Variants in TRDN observed in about 807,000 individuals in gnomAD.
TRDN encodes the protein triadin in skeletal muscle.
TRDN carries 161 observed loss-of-function variants against 149.7 expected under a neutral mutation model. That is an observed-to-expected ratio of 1.08 (90% confidence interval 0.95 to 1.23). The LOEUF is 1.23. Ranked by LOEUF, TRDN falls within the 50% of genes most tolerant of loss-of-function variation. TRDN has a pLI of 0.00. For missense variants in TRDN, 896 were observed against 823.5 expected (o/e 1.09, Z -1.08); for synonymous variants, 294 against 250.5 (o/e 1.17, Z -1.64).
chr6:123,269,424 T>C (rs1467739877), intron 31 of TRDN, among the ~76,000 whole-genome samples: 1 of 152,002 alleles, frequency 6.6e-6, no homozygotes, highest in Non-Finnish European at 1.5e-5. Context: ...ACACTGACAA[T>C]TGTATATCAT....
intron 24 of TRDN, among the ~76,000 whole-genome samples, chr6:123,310,453 T>A (rs1171983186): frequency 6.6e-6 from 1 of 152,068 alleles, no homozygotes; most frequent in South Asian, 2.1e-4. Flanking sequence ...CTTGTACTTA[T>A]TGCAAAATAC....
intron 24 of TRDN, among the ~76,000 whole-genome samples, chr6:123,299,389 T>A (rs962930298): frequency 1.3e-5 from 2 of 152,084 alleles, no homozygotes; most frequent in African/African-American, 4.8e-5. Context: ...TATCAGCACC[T>A]GGGCTTGAGA....
At chr6:123,610,990 C>T (rs1784779252) in intron 1 of TRDN, among the ~76,000 whole-genome samples, 1 of 152,126 alleles carries the variant, frequency 6.6e-6, no homozygotes, top group African/African-American at 2.4e-5. Context: ...AAGACTGCTA[C>T]TTTAAGCTGC....
intron 1 of TRDN, among the ~76,000 whole-genome samples, chr6:123,611,596 T>C (rs539105831): frequency 2.6e-5 from 4 of 152,282 alleles, no homozygotes; most frequent in South Asian, 2.1e-4. Flanking sequence ...CTTTCATATA[T>C]ATAGTATATG....
At chr6:123,551,969 C>G (rs990095568) in intron 2 of TRDN, among the ~76,000 whole-genome samples, 1 of 152,012 alleles carries the variant, frequency 6.6e-6, no homozygotes, top group East Asian at 1.9e-4. Context: ...CTTCAGTCAT[C>G]TTGTAACCAT....
intron 24 of TRDN, among the ~76,000 whole-genome samples, chr6:123,298,412 T>A (rs1161586946): frequency 6.6e-6 from 1 of 152,080 alleles, no homozygotes; most frequent in Non-Finnish European, 1.5e-5. Context: ...ACTCTTCATC[T>A]TTCTCTGGAA....
chr6:123,633,984 T>G (rs939497439), intron 1 of TRDN, among the ~76,000 whole-genome samples: 1 of 152,002 alleles, frequency 6.6e-6, no homozygotes, highest in Non-Finnish European at 1.5e-5. Flanking sequence ...AACAGTTAAC[T>G]AGAGCTTTCT....
At chr6:123,553,465 C>T (rs1479436947) in intron 2 of TRDN, among the ~76,000 whole-genome samples, 1 of 152,132 alleles carries the variant, frequency 6.6e-6, no homozygotes, top group East Asian at 1.9e-4. Flanking sequence ...TGCCCTTCTG[C>T]CCATGACTCT....
intron 1 of TRDN, among the ~76,000 whole-genome samples, chr6:123,593,851 C>T (rs1429475276): frequency 2.0e-5 from 3 of 152,130 alleles, no homozygotes; most frequent in Admixed American, 6.6e-5. Flanking sequence ...CCTCACCATA[C>T]AATAAAATTA....
At chr6:123,315,948 A>C (rs763335807) in intron 24 of TRDN, among the ~76,000 whole-genome samples, 3 of 151,948 alleles carry the variant, frequency 2.0e-5, no homozygotes, top group South Asian at 2.1e-4. Context: ...TTACTTCTCC[A>C]TAAAATATTT....
chr6:123,365,551 T>G (rs979619598), intron 20 of TRDN, among the ~76,000 whole-genome samples: 1 of 152,074 alleles, frequency 6.6e-6, no homozygotes, highest in African/African-American at 2.4e-5. Context: ...TGTGTAAGGG[T>G]ATGTGTGCAG....
At chr6:123,625,204 A>G (rs902018263) in intron 1 of TRDN, among the ~76,000 whole-genome samples, 3 of 152,084 alleles carry the variant, frequency 2.0e-5, no homozygotes, top group Admixed American at 6.6e-5. Context: ...TTCTTTAGTT[A>G]TACTAAATTA....
chr6:123,511,679 T>TTTA (rs1779188757), intron 7 of TRDN, among the ~76,000 whole-genome samples: 1 of 152,184 alleles, frequency 6.6e-6, no homozygotes, highest in African/African-American at 2.4e-5. Context: ...TTCCAAAGTG[T>TTTA]TGGCTCAGCA....
intron 40 of TRDN, 113 bp downstream of exon 40, chr6:123,221,374 G>T: frequency 3.6e-6 from 2 of 557,788 alleles, no homozygotes; most frequent in Non-Finnish European, 6.0e-6. Flanking sequence ...TCATGTCTAT[G>T]CTAAAAAATT....
chr6:123,388,849 T>C (rs920353970), intron 13 of TRDN, among the ~76,000 whole-genome samples: 2 of 152,142 alleles, frequency 1.3e-5, no homozygotes, highest in African/African-American at 4.8e-5. Context: ...AAATTTTATA[T>C]CTGAGGAAAC....
intron 24 of TRDN, among the ~76,000 whole-genome samples, chr6:123,301,735 ATG>A (rs1778402903): frequency 7.3e-6 from 1 of 136,716 alleles, no homozygotes; most frequent in African/African-American, 2.7e-5. Context: ...ATATGTATGT[ATG>A]TATGTATATA....
intron 9 of TRDN, among the ~76,000 whole-genome samples, chr6:123,474,900 A>G (rs1324148345): frequency 1.3e-5 from 2 of 152,206 alleles, no homozygotes; most frequent in African/African-American, 4.8e-5. Context: ...ACAACATACC[A>G]GAATCTCTGG....
chr6:123,416,169 C>T (rs954470575), intron 12 of TRDN, among the ~76,000 whole-genome samples: 5 of 152,154 alleles, frequency 3.3e-5, no homozygotes, highest in East Asian at 1.9e-4. Context: ...ACAAAACACA[C>T]GAGAAATGTG....
chr6:123,238,141 T>C (rs1265287951), intron 38 of TRDN, among the ~76,000 whole-genome samples: 3 of 152,134 alleles, frequency 2.0e-5, no homozygotes, highest in South Asian at 4.1e-4. Context: ...CAAGGCAATT[T>C]CATAGAAGGC....
Sources: allele counts gnomAD v4.1 joint callset (sites outside exome capture counted in the v4.1 genomes callset), GRCh38; gene constraint gnomAD v4.1.1; transcripts MANE v1.5; gene names NCBI Gene and HGNC (gene_info 2026-07-23, HGNC 2026-07-21).